The following IMMP2L variants were observed in gnomAD, a reference collection of about 807,000 sequenced individuals.
The protein encoded by IMMP2L is mitochondrial inner membrane protease subunit 2.
IMMP2L carries 18 observed loss-of-function variants against 19.3 expected under a neutral mutation model. That is an observed-to-expected ratio of 0.93 (90% CI 0.64 to 1.38). The LOEUF (loss-of-function observed/expected upper bound fraction) is 1.38. Ranked by LOEUF, IMMP2L falls within the 40% of genes most tolerant of loss-of-function variation. IMMP2L has a pLI of 0.00. For missense variants in IMMP2L, 233 were observed against 218.2 expected, an observed-to-expected ratio of 1.07 and a Z score of -0.43; for synonymous variants, 76 against 73.0, an observed-to-expected ratio of 1.04 and a Z score of -0.21.
chr7:111,034,412 A>C (rs985039442), intron 3 of IMMP2L, among the ~76,000 whole-genome samples: 2 of 152,160 alleles, frequency 1.3e-5, no homozygotes, highest in Non-Finnish European at 2.9e-5. Flanking sequence ...GATTCAGAGA[A>C]ACCTTGCAAA....
At chr7:111,142,337 A>AG (rs1562846947) in intron 3 of IMMP2L, among the ~76,000 whole-genome samples, 18 of 14,236 alleles carry the variant, frequency 1.3e-3, no homozygotes, top group Admixed American at 2.5e-3. Flanking sequence ...AAAAAAAAAA[A>AG]AAAAAAGAAA....
chr7:110,852,276 TA>T (rs1806308444), intron 5 of IMMP2L, among the ~76,000 whole-genome samples: 1 of 151,870 alleles, frequency 6.6e-6, no homozygotes, highest in Non-Finnish European at 1.5e-5. Flanking sequence ...ACATCCATAT[TA>T]AAATTATGAA....
chr7:110,930,967 T>A (rs973655555), intron 4 of IMMP2L, among the ~76,000 whole-genome samples: 1 of 152,204 alleles, frequency 6.6e-6, no homozygotes, highest in Non-Finnish European at 1.5e-5. Context: ...AATTATGTGA[T>A]CTTAAAATAC....
intron 5 of IMMP2L, among the ~76,000 whole-genome samples, chr7:110,748,240 A>G (rs1321076097): frequency 6.6e-6 from 1 of 152,206 alleles, no homozygotes; most frequent in Non-Finnish European, 1.5e-5. Context: ...GCTCAAAGAA[A>G]TAAGAGAGGA....
At chr7:111,069,145 C>A (rs573952693) in intron 3 of IMMP2L, among the ~76,000 whole-genome samples, 1 of 152,112 alleles carries the variant, frequency 6.6e-6, no homozygotes. Flanking sequence ...ATTGAGGGTA[C>A]GAGACTAGGT....
At chr7:111,003,301 TTTC>T (rs541948160) in intron 3 of IMMP2L, among the ~76,000 whole-genome samples, 147 of 152,252 alleles carry the variant, frequency 9.7e-4, no homozygotes, top group Non-Finnish European at 1.7e-3. Context: ...AAATAATGTA[TTTC>T]TTATCACATA....
intron 4 of IMMP2L, among the ~76,000 whole-genome samples, chr7:110,906,559 T>C (rs1358673523): frequency 1.3e-5 from 2 of 152,160 alleles, no homozygotes; most frequent in Non-Finnish European, 2.9e-5. Flanking sequence ...TTAGGGAGCT[T>C]ACTTGGAAAA....
At chr7:111,281,296 A>T (rs1223574525) in intron 3 of IMMP2L, among the ~76,000 whole-genome samples, 1 of 151,914 alleles carries the variant, frequency 6.6e-6, no homozygotes, top group Non-Finnish European at 1.5e-5. Context: ...AGAAAGAAGG[A>T]AGGAAGGAAG....
Position 111,521,465 on chromosome 7 carries a change from A to C in IMMP2L, c.-2-16T>G, listed in dbSNP as rs1846325725. ...TGTGCCATACCTAAAAATACAAAGA[A>C]AACAACTATGAAATTAGTCTCAAGA... On this transcript the variant is annotated splice_polypyrimidine_tract_variant and intron_variant, in intron 1 of 5. Coordinates refer to ENST00000405709, the MANE Select transcript of IMMP2L (RefSeq NM_032549.4). 1.3e-6 allele frequency: 2 copies of C among 1,582,428 alleles called. No homozygotes were observed. The highest frequency in any genetic ancestry group is 1.4e-5 in the African/African-American group (1 of 73,020).
At chr7:111,557,496 G>A (rs939393968) in intron 1 of IMMP2L, among the ~76,000 whole-genome samples, 1 of 152,104 alleles carries the variant, frequency 6.6e-6, no homozygotes, top group Non-Finnish European at 1.5e-5. Flanking sequence ...TACTCATGCT[G>A]TTAGCTTTAC....
At chr7:111,240,690 T>G (rs1191595265) in intron 3 of IMMP2L, among the ~76,000 whole-genome samples, 1 of 152,010 alleles carries the variant, frequency 6.6e-6, no homozygotes, top group Non-Finnish European at 1.5e-5. Context: ...GTCAAGTATG[T>G]TATAAAGGCT....
chr7:111,088,375 T>A (rs1476381909), intron 3 of IMMP2L, among the ~76,000 whole-genome samples: 1 of 152,106 alleles, frequency 6.6e-6, no homozygotes, highest in Non-Finnish European at 1.5e-5. Context: ...GTAGGTAACA[T>A]GTACAACCAT....
At chr7:111,359,654 A>G (rs971829439) in intron 3 of IMMP2L, among the ~76,000 whole-genome samples, 18 of 151,946 alleles carry the variant, frequency 1.2e-4, no homozygotes, top group African/African-American at 4.1e-4. Flanking sequence ...CCACCTATAA[A>G]ATGAGCAGCC....
At chr7:110,683,098 G>T (rs1397714240) in intron 5 of IMMP2L, among the ~76,000 whole-genome samples, 2 of 151,984 alleles carry the variant, frequency 1.3e-5, no homozygotes, top group African/African-American at 2.4e-5. Context: ...CTTTAAAACT[G>T]CAGCTATTTG....
At chr7:110,939,238 CT>C (rs1225136116) in intron 4 of IMMP2L, among the ~76,000 whole-genome samples, 1 of 152,092 alleles carries the variant, frequency 6.6e-6, no homozygotes, top group Non-Finnish European at 1.5e-5. Flanking sequence ...CCCAGGGAAG[CT>C]TTTACAAATT....
At chr7:111,021,818 G>A (rs763412859) in intron 3 of IMMP2L, among the ~76,000 whole-genome samples, 2 of 152,138 alleles carry the variant, frequency 1.3e-5, no homozygotes, top group African/African-American at 4.8e-5. Flanking sequence ...AGAAGGCAGA[G>A]GTTGCAGTGA....
chr7:111,444,087 A>C (rs1838038085), intron 3 of IMMP2L, among the ~76,000 whole-genome samples: 1 of 152,184 alleles, frequency 6.6e-6, no homozygotes, highest in African/African-American at 2.4e-5. Flanking sequence ...ATTTTTAAAA[A>C]ATCACTTTGT....
chr7:111,180,151 C>T (rs1337302008), intron 3 of IMMP2L, among the ~76,000 whole-genome samples: 1 of 152,012 alleles, frequency 6.6e-6, no homozygotes, highest in Non-Finnish European at 1.5e-5. Context: ...AGAACTTATC[C>T]TTTGAATTTA....
At chr7:110,783,177 G>C (rs1432944482) in intron 5 of IMMP2L, among the ~76,000 whole-genome samples, 2 of 151,912 alleles carry the variant, frequency 1.3e-5, no homozygotes, top group Non-Finnish European at 2.9e-5. Context: ...ACAGAATAGG[G>C]AAAATGATAG....
Sources: gnomAD v4.1 joint callset for allele counts (sites outside exome capture counted in the v4.1 genomes callset) on GRCh38, gnomAD v4.1.1 for gene constraint, MANE v1.5 for transcripts, NCBI Gene and HGNC (gene_info 2026-07-23, HGNC 2026-07-21) for gene names.